CHP1: variants seen among roughly 807,000 people sequenced by gnomAD.
CHP1 encodes calcineurin like EF-hand protein 1.
CHP1 carries 11 observed loss-of-function variants against 27.4 expected under a neutral mutation model. That is an observed-to-expected ratio of 0.40 (90% CI 0.25 to 0.67). CHP1 has a LOEUF of 0.67. CHP1 is among the 30% of genes least tolerant of loss of function. The probability of loss-of-function intolerance (pLI) is 0.38; values close to 1 mark genes in which losing one functional copy is unlikely to be tolerated. For missense variants in CHP1, 169 were observed against 251.3 expected (o/e 0.67, Z 2.22); for synonymous variants, 89 against 87.4 (o/e 1.02, Z -0.10).
chr15:41,256,416 C>CA (rs778632188), intron 2 of CHP1, among the ~76,000 whole-genome samples: 10 of 152,122 alleles, frequency 6.6e-5, no homozygotes, highest in Non-Finnish European at 1.3e-4. Context: ...AATTGGTTGT[C>CA]ACATTATTTC....
intron 2 of CHP1, among the ~76,000 whole-genome samples, chr15:41,253,901 C>T (rs2047384683): frequency 6.6e-6 from 1 of 151,982 alleles, no homozygotes; most frequent in South Asian, 2.1e-4. Context: ...CCTCCCGCTT[C>T]AGCTTCCCAA....
chr15:41,252,757 G>A (rs2047376358), intron 2 of CHP1, among the ~76,000 whole-genome samples: 1 of 151,866 alleles, frequency 6.6e-6, no homozygotes, highest in Admixed American at 6.6e-5. Flanking sequence ...AAATTTCTTG[G>A]CCACAAAGAA....
intron 6 of CHP1, 49 bp from the exon 7 acceptor site, chr15:41,279,287 T>C (rs773467021): frequency 7.3e-7 from 1 of 1,371,990 alleles, no homozygotes; most frequent in South Asian, 1.2e-5. Context: ...AGCTTGGGAG[T>C]GTTGTAATCT....
chr15:41,274,664 A>G (rs1173986146), intron 5 of CHP1, among the ~76,000 whole-genome samples: 1 of 152,006 alleles, frequency 6.6e-6, no homozygotes, highest in Non-Finnish European at 1.5e-5. Context: ...CAAATAAAAC[A>G]CCTCAGAAAA....
At chr15:41,260,020 G>A (rs1225442966) in intron 3 of CHP1, among the ~76,000 whole-genome samples, 1 of 152,234 alleles carries the variant, frequency 6.6e-6, no homozygotes, top group Non-Finnish European at 1.5e-5. Flanking sequence ...GTGAGCCACT[G>A]CACCCAGCCA....
chr15:41,279,375 C>T lies in CHP1; in HGVS notation c.574C>T (p.Arg192Ter), dbSNP rs748050129. 1.2e-6 allele frequency: 2 copies of T among 1,613,072 alleles called. No individual in the cohort carries two copies. The highest frequency in any genetic ancestry group is 1.7e-6 in the Non-Finnish European group (2 of 1,179,854). Residue 192 changes from arginine to a stop codon, truncating the protein, a stop_gained, in exon 7 of 7, where the codon CGA becomes TGA. Transcript: ENST00000334660. LOFTEE classifies it high-confidence loss of function. ...KVDVEQKMSI[R>*]FLH ...GGATGTAGAACAGAAAATGAGCATCCGATTTCTTCACTAAAGGAGACCAAA... is the reference window on the plus strand; with the variant it reads ...GGATGTAGAACAGAAAATGAGCATCTGATTTCTTCACTAAAGGAGACCAAA...
intron 5 of CHP1, among the ~76,000 whole-genome samples, chr15:41,276,524 T>C (rs1269538738): frequency 6.6e-6 from 1 of 152,210 alleles, no homozygotes; most frequent in African/African-American, 2.4e-5. Flanking sequence ...TTTCAAAGTA[T>C]GTTCACACCC....
At chr15:41,273,906 T>C (rs984020876) in intron 5 of CHP1, among the ~76,000 whole-genome samples, 4 of 150,956 alleles carry the variant, frequency 2.6e-5, no homozygotes, top group African/African-American at 4.9e-5. Context: ...ATGCCACTGC[T>C]CTCCAGCCTG....
At chr15:41,279,021 G>A in intron 6 of CHP1, 132 bp downstream of exon 6, 4 of 1,140,244 alleles carry the variant, frequency 3.5e-6, no homozygotes, top group Non-Finnish European at 5.0e-6. Context: ...GACCAGCCTG[G>A]CTAACATGGT....
In CHP1 at chr15:41,257,812, A is replaced by G. The variant is rs191997672; in HGVS notation, c.221+822A>G. Among the ~76,000 whole-genome samples the G allele has an allele frequency of 4.9e-4, 75 of 152,266 alleles. 1 individual carries two copies. Among genetic ancestry groups the G allele is most frequent in the Admixed American group, 3.9e-3 (59 of 15,280 alleles). On this transcript the variant is annotated intron_variant, in intron 3 of 6. Coordinates refer to ENST00000334660, the MANE Select transcript of CHP1 (RefSeq NM_007236.5). ...TGACCTCAGGTGATCCGCCTGCCTCAGCCTCCCAAAGTACTGGGATTACTG... is the reference window on the plus strand; with the variant it reads ...TGACCTCAGGTGATCCGCCTGCCTCGGCCTCCCAAAGTACTGGGATTACTG...
Position 41,250,481 on chromosome 15 carries a change from C to T in CHP1, c.141-6429C>T, listed in dbSNP as rs201139779. Among the ~76,000 whole-genome samples the T allele has an allele frequency of 1.9e-4, 29 of 152,050 alleles. No homozygotes were observed. The East Asian group carries it at 4.6e-3, about 24-fold the overall frequency. ...CTTTGGGAGGCCGAGGCAGGGGAATCGCTTGAACCCGGGAGGCGGAGGTTG... is the reference window on the plus strand; with the variant it reads ...CTTTGGGAGGCCGAGGCAGGGGAATTGCTTGAACCCGGGAGGCGGAGGTTG... On this transcript the variant is annotated intron_variant, in intron 2 of 6. Transcript: ENST00000334660.
chr15:41,271,663 C>T (rs779142818), intron 5 of CHP1, among the ~76,000 whole-genome samples: 4 of 152,112 alleles, frequency 2.6e-5, no homozygotes, highest in Non-Finnish European at 4.4e-5. Context: ...CTTTGTTGCT[C>T]CTAGGGATAA....
chr15:41,269,267 T>A (rs943659731), intron 4 of CHP1, among the ~76,000 whole-genome samples: 13 of 152,180 alleles, frequency 8.5e-5, no homozygotes, highest in African/African-American at 3.1e-4. Flanking sequence ...AAAAAATACA[T>A]ATATATGAAG....
chr15:41,252,927 GTTTTTTTTTTTTT>G (rs144891496), intron 2 of CHP1, among the ~76,000 whole-genome samples: 1 of 65,722 alleles, frequency 1.5e-5, no homozygotes, highest in East Asian at 5.8e-4. Flanking sequence ...ATTTCACATG[GTTTTTTTTTTTTT>G]TTTTTTTTTT....
intron 1 of CHP1, among the ~76,000 whole-genome samples, chr15:41,238,277 C>A (rs948668592): frequency 6.6e-6 from 1 of 151,918 alleles, no homozygotes; most frequent in Non-Finnish European, 1.5e-5. Context: ...TCTGCCTCTG[C>A]CTCCTAAATA....
At chr15:41,247,369 TA>T (rs201872245) in intron 2 of CHP1, among the ~76,000 whole-genome samples, 11,228 of 138,430 alleles carry the variant, frequency 0.081, 753 homozygotes, top group East Asian at 0.38. Flanking sequence ...ATCCTGCCTT[TA>T]AAAAAAAAAA....
intron 4 of CHP1, among the ~76,000 whole-genome samples, chr15:41,267,671 A>T (rs1490346996): frequency 6.7e-6 from 1 of 149,342 alleles, no homozygotes; most frequent in Non-Finnish European, 1.5e-5. Context: ...CCCAAAAAGA[A>T]AAAAAAAAAA....
chr15:41,270,628 G>A lies in CHP1; in HGVS notation c.411+10G>A, dbSNP rs949358941. On this transcript the variant is annotated intron_variant, in intron 5 of 6. Transcript: ENST00000334660. ...TGATGAGCTGTTACAGGTATGTGGAGAGCTCCTCGAGAACTTGTGCTTGGA... is the reference window on the plus strand; with the variant it reads ...TGATGAGCTGTTACAGGTATGTGGAAAGCTCCTCGAGAACTTGTGCTTGGA... The A allele has an allele frequency of 8.1e-6, 13 of 1,607,628 alleles. No individual in the cohort carries two copies. Among genetic ancestry groups the A allele is most frequent in the Non-Finnish European group, 1.1e-5 (13 of 1,174,204 alleles).
chr15:41,248,598 T>C (rs1347600102), intron 2 of CHP1, among the ~76,000 whole-genome samples: 1 of 152,028 alleles, frequency 6.6e-6, no homozygotes, highest in Non-Finnish European at 1.5e-5. Context: ...TGTTCTTTGA[T>C]CTCTATCATG....
Sources: gnomAD v4.1 joint callset for allele counts (sites outside exome capture counted in the v4.1 genomes callset) on GRCh38, gnomAD v4.1.1 for gene constraint, MANE v1.5 for transcripts, NCBI Gene and HGNC (gene_info 2026-07-23, HGNC 2026-07-21) for gene names.